The following ATAD5 variants were observed in gnomAD, a reference collection of about 807,000 sequenced individuals.
ATAD5 encodes the protein ATPase family AAA domain containing 5.
A neutral mutation model predicts 176.9 loss-of-function variants in ATAD5; 58 were observed. The ratio of observed to expected loss-of-function variants is 0.33; its 90% CI spans 0.27 to 0.41. The LOEUF is 0.41. ATAD5 is among the 10% of genes least tolerant of loss of function. The probability of loss-of-function intolerance (pLI) is 1.00; values close to 1 mark genes in which losing one functional copy is unlikely to be tolerated. For synonymous variants in ATAD5, 640 were observed against 712.6 expected, an observed-to-expected ratio of 0.90 and a Z score of 1.62; for missense variants, 1,789 against 2,094.1, an observed-to-expected ratio of 0.85 and a Z score of 2.84.
At chr17:30,883,103 A>G (rs768392369) in intron 18 of ATAD5, among the ~76,000 whole-genome samples, 15 of 151,666 alleles carry the variant, frequency 9.9e-5, no homozygotes, top group Non-Finnish European at 1.9e-4. Context: ...ACTTTGTGCT[A>G]AAGTGTAATA....
At chr17:30,871,110 T>C (rs769133270) in intron 14 of ATAD5, among the ~76,000 whole-genome samples, 1 of 145,064 alleles carries the variant, frequency 6.9e-6, no homozygotes, top group Non-Finnish European at 1.5e-5. Context: ...TTCCTCTTTT[T>C]GTTTCAGTTT....
intron 14 of ATAD5, among the ~76,000 whole-genome samples, chr17:30,875,520 G>T (rs1047935666): frequency 2.6e-5 from 4 of 152,046 alleles, no homozygotes; most frequent in African/African-American, 9.7e-5. Context: ...TTTCTGGCTG[G>T]GTACAGGGGC....
chr17:30,887,407 T>G (rs765586872), intron 19 of ATAD5, 35 bp downstream of exon 19: 1 of 1,543,978 alleles, frequency 6.5e-7, no homozygotes, highest in South Asian at 1.2e-5. Context: ...ATTTCTATTA[T>G]GGGACCCTAT....
chr17:30,870,613 T>G (rs1908282932), intron 14 of ATAD5, among the ~76,000 whole-genome samples: 1 of 152,202 alleles, frequency 6.6e-6, no homozygotes, highest in Non-Finnish European at 1.5e-5. Flanking sequence ...TCATCAACTC[T>G]TTGGATGCTT....
intron 4 of ATAD5, among the ~76,000 whole-genome samples, chr17:30,842,222 C>G (rs1380520283): frequency 1.3e-5 from 2 of 151,808 alleles, no homozygotes; most frequent in Admixed American, 6.6e-5. Context: ...TGAGCTGAGA[C>G]CACACCATTG....
Position 30,835,906 on chromosome 17 carries a change from A to G in ATAD5, c.1825A>G (p.Ile609Val). ...RISSTPTTET[I>V]RGIDSDDVQD... ...TAGCAGCACACCTACTACAGAAACCATTAGAGGTATTGATTCTGACGATGT... is the reference window on the plus strand; with the variant it reads ...TAGCAGCACACCTACTACAGAAACCGTTAGAGGTATTGATTCTGACGATGT... Residue 609 changes from isoleucine to valine, a missense_variant, in exon 2 of 23, where the codon ATT becomes GTT. By Grantham distance (29) the Ile-to-Val change is conservative. This residue lies in a region of ATAD5 where 696 missense variants were observed against 712.5 expected (regional missense o/e 0.98). Transcript: ENST00000321990. 6.2e-7 allele frequency: 1 copy of G among 1,614,178 alleles called. No homozygotes were observed. Among genetic ancestry groups the G allele is most frequent in the Non-Finnish European group, 8.5e-7 (1 of 1,180,024 alleles).
intron 6 of ATAD5, among the ~76,000 whole-genome samples, chr17:30,847,061 C>T (rs2142334005): frequency 6.6e-6 from 1 of 152,056 alleles, no homozygotes; most frequent in South Asian, 2.1e-4. Flanking sequence ...GTAATTACCA[C>T]CACAATAAAA....
intron 9 of ATAD5, among the ~76,000 whole-genome samples, chr17:30,859,331 A>G (rs191385233): frequency 6.6e-6 from 1 of 152,240 alleles, no homozygotes; most frequent in Admixed American, 6.5e-5. Flanking sequence ...TCAGTATGTT[A>G]TATTTGATTC....
chr17:30,844,551 CTTT>C (rs145866847), intron 5 of ATAD5, among the ~76,000 whole-genome samples: 1 of 139,528 alleles, frequency 7.2e-6, no homozygotes. Flanking sequence ...AAGAGTTTTT[CTTT>C]TTTTTTTTTT....
chr17:30,836,978 T>C (rs1905786483), intron 2 of ATAD5, among the ~76,000 whole-genome samples: 1 of 152,156 alleles, frequency 6.6e-6, no homozygotes, highest in South Asian at 2.1e-4. Context: ...GCTGTCTATC[T>C]ATCTGTCTAT....
At chr17:30,885,715 C>T (rs1161721229) in intron 18 of ATAD5, among the ~76,000 whole-genome samples, 1 of 143,514 alleles carries the variant, frequency 7.0e-6, no homozygotes, top group African/African-American at 2.6e-5. Context: ...CTCACTGCAA[C>T]CTCCACCTCC....
chr17:30,880,780 T>C (rs971944474), intron 18 of ATAD5, among the ~76,000 whole-genome samples: 1 of 152,142 alleles, frequency 6.6e-6, no homozygotes, highest in Non-Finnish European at 1.5e-5. Context: ...ACTAGGTTTT[T>C]TGCCTAGTAA....
chr17:30,881,107 T>C (rs1055501910), intron 18 of ATAD5, among the ~76,000 whole-genome samples: 1 of 144,694 alleles, frequency 6.9e-6, no homozygotes, highest in East Asian at 2.0e-4. Context: ...TTCATTCTTC[T>C]AAAAAAAAAA....
Position 30,869,586 on chromosome 17 carries a change from C to A in ATAD5, c.3547C>A (p.Gln1183Lys), listed in dbSNP as rs773624325. 5.6e-6 allele frequency: 9 copies of A among 1,607,870 alleles called. No homozygotes were observed. The highest frequency in any genetic ancestry group is 1.3e-5 in the African/African-American group (1 of 74,482). ...TACTCAGTCCCATCAAGTAGACAAA[C>A]AAGGTGTAAACTCACAAAAACCCTG... is the stretch of plus-strand genomic sequence containing the variant. ...EATQSHQVDK[Q>K]GVNSQKPCFF... Residue 1183 changes from glutamine to lysine, a missense_variant, in exon 14 of 23, where the codon CAA becomes AAA. Transcript: ENST00000321990.
rs1907326942 is a variant in ATAD5 at position 30,857,034 on chromosome 17, T to C, written c.2715T>C (p.Asp905=). Residue 905 remains aspartate (D), a synonymous_variant, in exon 8 of 23, where the codon GAT becomes GAC. Coordinates refer to ENST00000321990, the MANE Select transcript of ATAD5 (RefSeq NM_024857.5). ...KFKELNTKVI[D]LSKCGIALGE... Reference sequence around the variant, plus strand: ...AAGAACTGAACACTAAAGTAATAGATCTCTCAAAATGTGGTATTGCTCTTG... The same window carrying C: ...AAGAACTGAACACTAAAGTAATAGACCTCTCAAAATGTGGTATTGCTCTTG... 1 of 1,610,148 alleles carries C rather than the reference T, an allele frequency of 6.2e-7. No individual in the cohort carries two copies. Among genetic ancestry groups the C allele is most frequent in the African/African-American group, 1.3e-5 (1 of 74,852 alleles).
chr17:30,885,636 T>TTTTTG (rs1909274657), intron 18 of ATAD5, among the ~76,000 whole-genome samples: 1 of 138,100 alleles, frequency 7.2e-6, no homozygotes, highest in African/African-American at 2.7e-5. Context: ...TTTTTTTTTT[T>TTTTTG]TTTTTTTTTT....
chr17:30,855,948 TTA>T (rs1160397724), intron 7 of ATAD5, among the ~76,000 whole-genome samples: 1 of 152,204 alleles, frequency 6.6e-6, no homozygotes, highest in African/African-American at 2.4e-5. Context: ...CTACTTTTTC[TTA>T]TTTCCCATCT....
intron 18 of ATAD5, among the ~76,000 whole-genome samples, chr17:30,882,572 A>T (rs1162277873): frequency 6.6e-6 from 1 of 152,154 alleles, no homozygotes. Context: ...CTTGGGCAAC[A>T]GAGTGAGACT....
At chr17:30,834,112 T>A (rs772523824) in intron 1 of ATAD5, 36 bp from the exon 2 acceptor site, 3 of 1,454,898 alleles carry the variant, frequency 2.1e-6, no homozygotes. Flanking sequence ...ATTATATTGC[T>A]TGAAATAAGT....
Sources: allele counts gnomAD v4.1 joint callset (sites outside exome capture counted in the v4.1 genomes callset), GRCh38; gene constraint gnomAD v4.1.1; regional missense constraint gnomAD v4.1.1; transcripts MANE v1.5; gene names NCBI Gene and HGNC (gene_info 2026-07-23, HGNC 2026-07-21).